The following ADAMTSL1 variants were observed in gnomAD, a reference collection of about 807,000 sequenced individuals.
ADAMTSL1 encodes ADAMTS-like protein 1.
In ADAMTSL1, 126 loss-of-function variants were observed where a neutral mutation model predicts 201.8. The observed-to-expected ratio is 0.62, with a 90% confidence interval of 0.54 to 0.72. ADAMTSL1 has a LOEUF of 0.72. ADAMTSL1 is among the 30% of genes least tolerant of loss of function. The pLI is 0.00. For missense variants in ADAMTSL1, 2,679 were observed against 2,277.8 expected, an observed-to-expected ratio of 1.18 and a Z score of -3.59; for synonymous variants, 1,121 against 903.4, an observed-to-expected ratio of 1.24 and a Z score of -4.32.
intron 2 of ADAMTSL1, among the ~76,000 whole-genome samples, chr9:18,225,126 G>A (rs1830396520): frequency 6.6e-6 from 1 of 152,120 alleles, no homozygotes; most frequent in Non-Finnish European, 1.5e-5. Flanking sequence ...AGGCTCTGAA[G>A]GAAGGTTAAA....
intron 1 of ADAMTSL1, among the ~76,000 whole-genome samples, chr9:18,043,192 A>T (rs1277892377): frequency 1.3e-5 from 2 of 152,122 alleles, no homozygotes; most frequent in Admixed American, 1.3e-4. Flanking sequence ...CAATATCTGA[A>T]TGTGTGGCAG....
chr9:18,111,373 A>G (rs185345598), intron 1 of ADAMTSL1, among the ~76,000 whole-genome samples: 89 of 152,306 alleles, frequency 5.8e-4, no homozygotes, highest in African/African-American at 2.1e-3. Context: ...CTAAAGCTTT[A>G]TGTATTTAAG....
intron 1 of ADAMTSL1, among the ~76,000 whole-genome samples, chr9:17,993,514 A>C (rs1261815495): frequency 6.6e-6 from 1 of 152,120 alleles, no homozygotes. Flanking sequence ...GTTTACATTC[A>C]TGTCTATTGC....
intron 2 of ADAMTSL1, among the ~76,000 whole-genome samples, chr9:18,233,710 A>C (rs989278861): frequency 6.6e-6 from 1 of 152,184 alleles, no homozygotes; most frequent in Non-Finnish European, 1.5e-5. Context: ...TCAATCCCTA[A>C]AGGCTGAGAA....
chr9:18,026,918 T>G (rs1037994473), intron 1 of ADAMTSL1, among the ~76,000 whole-genome samples: 2 of 152,060 alleles, frequency 1.3e-5, no homozygotes, highest in Non-Finnish European at 2.9e-5. Flanking sequence ...GGTTTCACCT[T>G]CTTCCTGATT....
At chr9:18,234,932 C>T (rs542636007) in intron 2 of ADAMTSL1, among the ~76,000 whole-genome samples, 7 of 152,276 alleles carry the variant, frequency 4.6e-5, no homozygotes, top group Non-Finnish European at 8.8e-5. Flanking sequence ...GGAAATGTTG[C>T]ACAGTTATTA....
At chr9:18,894,794 T>C (rs1189057075) in intron 26 of ADAMTSL1, among the ~76,000 whole-genome samples, 1 of 152,048 alleles carries the variant, frequency 6.6e-6, no homozygotes, top group African/African-American at 2.4e-5. Context: ...TGGCTAAGAA[T>C]CATAGATGGT....
chr9:18,785,408 A>G (rs1013153394), intron 19 of ADAMTSL1, among the ~76,000 whole-genome samples: 1 of 152,184 alleles, frequency 6.6e-6, no homozygotes, highest in African/African-American at 2.4e-5. Context: ...CTTTTCTTCT[A>G]CTGATAGCGC....
intron 2 of ADAMTSL1, among the ~76,000 whole-genome samples, chr9:18,414,297 A>G (rs1818577714): frequency 6.6e-6 from 1 of 152,222 alleles, no homozygotes; most frequent in Admixed American, 6.5e-5. Flanking sequence ...ATTGATTCTA[A>G]AGAGTTTACT....
At chr9:18,752,868 C>T (rs1202021132) in intron 15 of ADAMTSL1, among the ~76,000 whole-genome samples, 2 of 152,178 alleles carry the variant, frequency 1.3e-5, no homozygotes, top group East Asian at 3.9e-4. Flanking sequence ...GAATTACAAG[C>T]ATAAAATTTT....
At chr9:18,066,013 A>G (rs1822682442) in intron 1 of ADAMTSL1, among the ~76,000 whole-genome samples, 1 of 146,736 alleles carries the variant, frequency 6.8e-6, no homozygotes, top group South Asian at 2.1e-4. Context: ...AAAAAAAAAA[A>G]AGAATGGCAC....
Position 18,679,496 on chromosome 9 carries a change from A to G in ADAMTSL1, c.1137-816A>G, listed in dbSNP as rs180832309. On this transcript the variant is annotated intron_variant, in intron 10 of 28. Coordinates refer to ENST00000380548, the MANE Select transcript of ADAMTSL1 (RefSeq NM_001040272.6). ...TTCAGAGCTGTGTAAAGCTCTGAAA[A>G]AAAAAATCAATGGAAGTCTCTTAAA... Among the ~76,000 whole-genome samples, 1,470 of 152,256 alleles carry G rather than the reference A, an allele frequency of 9.7e-3. 31 individuals carry two copies. Among genetic ancestry groups the G allele is most frequent in the African/African-American group, 0.034 (1,401 of 41,542 alleles).
intron 7 of ADAMTSL1, among the ~76,000 whole-genome samples, chr9:18,652,471 C>A (rs1828355096): frequency 6.6e-6 from 1 of 151,554 alleles, no homozygotes; most frequent in Admixed American, 6.6e-5. Context: ...CTTACAATAA[C>A]CAACAACAAA....
At chr9:18,486,653 C>T (rs1039604186) in intron 1 of ADAMTSL1, among the ~76,000 whole-genome samples, 1 of 152,028 alleles carries the variant, frequency 6.6e-6, no homozygotes, top group Non-Finnish European at 1.5e-5. Flanking sequence ...TGCAGTGAGC[C>T]GAGATTGTGT....
At chr9:18,707,891 G>C (rs1198176278) in intron 14 of ADAMTSL1, among the ~76,000 whole-genome samples, 1 of 152,180 alleles carries the variant, frequency 6.6e-6, no homozygotes, top group Non-Finnish European at 1.5e-5. Flanking sequence ...GGAAGGCATT[G>C]AAATCAACAA....
chr9:18,901,557 A>G (rs1021846910), intron 26 of ADAMTSL1, among the ~76,000 whole-genome samples: 3 of 152,226 alleles, frequency 2.0e-5, no homozygotes, highest in Non-Finnish European at 2.9e-5. Flanking sequence ...AGTGGTATAC[A>G]TGTAGAGTTT....
chr9:18,011,066 T>C (rs1482076840), intron 1 of ADAMTSL1, among the ~76,000 whole-genome samples: 1 of 151,976 alleles, frequency 6.6e-6, no homozygotes, highest in African/African-American at 2.4e-5. Flanking sequence ...ATATATCTTA[T>C]AAATGATAAA....
chr9:18,054,556 T>C (rs1293386752), intron 1 of ADAMTSL1, among the ~76,000 whole-genome samples: 1 of 152,170 alleles, frequency 6.6e-6, no homozygotes, highest in African/African-American at 2.4e-5. Flanking sequence ...CTAGGTCCTA[T>C]TAGGCCAGGT....
At chr9:18,581,642 A>T (rs1823099802) in intron 4 of ADAMTSL1, among the ~76,000 whole-genome samples, 1 of 152,166 alleles carries the variant, frequency 6.6e-6, no homozygotes, top group African/African-American at 2.4e-5. Context: ...GCACATTTGA[A>T]ACCAAAAATA....
Sources: gnomAD v4.1 joint callset for allele counts (sites outside exome capture counted in the v4.1 genomes callset) on GRCh38, gnomAD v4.1.1 for gene constraint, MANE v1.5 for transcripts, NCBI Gene and HGNC (gene_info 2026-07-23, HGNC 2026-07-21) for gene names.